CNTNAP3B: variants seen among roughly 807,000 people sequenced by gnomAD.
CNTNAP3B encodes contactin-associated protein-like 3B.
CNTNAP3B carries 25 observed loss-of-function variants against 108.9 expected under a neutral mutation model. That is an observed-to-expected ratio of 0.23 (90% CI 0.17 to 0.32). CNTNAP3B has a LOEUF of 0.32. Among genes scored for constraint, CNTNAP3B ranks in the 10% least tolerant of loss-of-function variants. CNTNAP3B has a pLI of 1.00. For synonymous variants in CNTNAP3B, 103 were observed against 473.4 expected (o/e 0.22, Z 10.16); for missense variants, 252 against 1,210.4 (o/e 0.21, Z 11.75).
chr9:42,095,963 G>A lies in CNTNAP3B; in HGVS notation c.196+8666C>T, dbSNP rs1181176972. Among the ~76,000 whole-genome samples, 3 of 138,560 alleles carry A rather than the reference G, an allele frequency of 2.2e-5. 1 individual carries two copies. Among genetic ancestry groups the A allele is most frequent in the African/African-American group, 8.6e-5 (3 of 34,768 alleles). 90.9% of individuals were successfully genotyped at this position (138,560 alleles called of 152,430 possible). On this transcript the variant is annotated intron_variant, in intron 2 of 23. Transcript: ENST00000377561. ...AGTCCTCCCATCCCAGGCTGGGACAGTGCTCTCCACAACGTTTTGGTGACC... is the reference window on the plus strand; with the variant it reads ...AGTCCTCCCATCCCAGGCTGGGACAATGCTCTCCACAACGTTTTGGTGACC...
chr9:42,116,175 G>A (rs1828312139), intron 1 of CNTNAP3B, among the ~76,000 whole-genome samples: 1 of 138,216 alleles, frequency 7.2e-6, no homozygotes, highest in Non-Finnish European at 1.5e-5. Flanking sequence ...AGAGAAAAAA[G>A]AGTAAAAAGA....
chr9:41,937,049 G>C (rs1452325320), intron 14 of CNTNAP3B, among the ~76,000 whole-genome samples: 1 of 150,530 alleles, frequency 6.6e-6, no homozygotes, highest in Admixed American at 6.6e-5. Flanking sequence ...GCTTAGATTA[G>C]CTATTTTATG....
intron 13 of CNTNAP3B, among the ~76,000 whole-genome samples, chr9:41,942,543 G>GCTT (rs1824387745): frequency 6.7e-6 from 1 of 150,222 alleles, no homozygotes; most frequent in African/African-American, 2.5e-5. Context: ...CCCGGGAGAC[G>GCTT]GAGCTTGCAG....
intron 16 of CNTNAP3B, among the ~76,000 whole-genome samples, chr9:41,923,639 A>T (rs1823727947): frequency 6.6e-6 from 1 of 152,298 alleles, no homozygotes; most frequent in African/African-American, 2.4e-5. Context: ...GTGCGTGCCT[A>T]TAGTCCCAGC....
chr9:41,919,047 T>C (rs1823594120), intron 18 of CNTNAP3B, among the ~76,000 whole-genome samples: 1 of 152,292 alleles, frequency 6.6e-6, no homozygotes, highest in Non-Finnish European at 1.5e-5. Context: ...GATGATTCAA[T>C]ATTGTAAGAG....
chr9:41,928,388 C>G (rs1267296064), intron 15 of CNTNAP3B, among the ~76,000 whole-genome samples: 2 of 152,040 alleles, frequency 1.3e-5, no homozygotes, highest in South Asian at 2.1e-4. Flanking sequence ...AGCCCCCAGA[C>G]AAGGGTCCGG....
Position 42,093,134 on chromosome 9 carries a change from G to A in CNTNAP3B, c.196+11495C>T, listed in dbSNP as rs1240384373. On this transcript the variant is annotated intron_variant, in intron 2 of 23. Coordinates refer to ENST00000377561, the MANE Select transcript of CNTNAP3B (RefSeq NM_001201380.3). ...GGCCAAGGTGGCCGAGGCGGATCAC[G>A]AGGTCAGGAGTTGAGCCTGGCCAAC... is the stretch of plus-strand genomic sequence containing the variant. Among the ~76,000 whole-genome samples the A allele has an allele frequency of 8.3e-5, 8 of 96,486 alleles. 4 individuals are homozygous for A. Among genetic ancestry groups the A allele is most frequent in the Non-Finnish European group, 1.8e-4 (8 of 45,544 alleles). 63.3% of individuals were successfully genotyped at this position (96,486 alleles called of 152,430 possible). A position where few individuals can be genotyped will look rare whatever the true frequency, so the allele number is the denominator to read the frequency against.
intron 1 of CNTNAP3B, among the ~76,000 whole-genome samples, chr9:42,118,830 T>C (rs1828384258): frequency 1.0e-5 from 1 of 95,244 alleles, no homozygotes; most frequent in South Asian, 3.9e-4. Context: ...CAGCAAAGTC[T>C]CAAAATCAAG....
chr9:41,967,926 C>G (rs1397680827), intron 10 of CNTNAP3B, among the ~76,000 whole-genome samples: 5 of 152,324 alleles, frequency 3.3e-5, no homozygotes, highest in African/African-American at 1.2e-4. Flanking sequence ...CACATTCATG[C>G]TTAGTTGAGC....
chr9:41,991,134 G>T (rs551208783), intron 8 of CNTNAP3B, among the ~76,000 whole-genome samples: 1 of 125,186 alleles, frequency 8.0e-6, no homozygotes, highest in African/African-American at 3.2e-5. Context: ...ATCAACGAAA[G>T]AATAAGAACT....
Position 42,110,630 on chromosome 9 carries a change from A to G in CNTNAP3B, c.86-5891T>C, listed in dbSNP as rs1306637455. Among the ~76,000 whole-genome samples the G allele has an allele frequency of 2.2e-5, 3 of 137,190 alleles. 1 individual carries two copies. The highest frequency in any genetic ancestry group is 8.7e-5 in the African/African-American group (3 of 34,296). 90.0% of individuals were successfully genotyped at this position (137,190 alleles called of 152,430 possible). ...CCACAGCAGGCTTCTCTCTGGTTCCACATATTGAGTCAGCAGGGAGCACGG... is the reference window on the plus strand; with the variant it reads ...CCACAGCAGGCTTCTCTCTGGTTCCGCATATTGAGTCAGCAGGGAGCACGG... On this transcript the variant is annotated intron_variant, in intron 1 of 23. Transcript: ENST00000377561.
intron 13 of CNTNAP3B, among the ~76,000 whole-genome samples, chr9:41,947,192 T>C (rs1332819507): frequency 3.3e-5 from 5 of 150,012 alleles, no homozygotes; most frequent in Non-Finnish European, 7.4e-5. Context: ...AATACTCCAC[T>C]TAAGAATAGC....
At chr9:41,948,536 A>T (rs1281402548) in intron 13 of CNTNAP3B, among the ~76,000 whole-genome samples, 4 of 149,042 alleles carry the variant, frequency 2.7e-5, no homozygotes, top group Non-Finnish European at 6.0e-5. Context: ...AGACAATATG[A>T]AAAAAGAAAA....
chr9:42,099,043 A>T (rs1643349316), intron 2 of CNTNAP3B, among the ~76,000 whole-genome samples: 3 of 138,450 alleles, frequency 2.2e-5, no homozygotes, highest in South Asian at 4.6e-4. Context: ...CTCTTTTCCT[A>T]AGAAATCAGT....
At chr9:42,054,045 T>A (rs1408870969) in intron 3 of CNTNAP3B, among the ~76,000 whole-genome samples, 2 of 151,810 alleles carry the variant, frequency 1.3e-5, no homozygotes, top group Non-Finnish European at 2.9e-5. Context: ...TGAACTTCAA[T>A]ACTACTTTAG....
intron 14 of CNTNAP3B, among the ~76,000 whole-genome samples, chr9:41,934,044 T>C (rs1460349164): frequency 6.0e-5 from 9 of 150,392 alleles, no homozygotes; most frequent in Admixed American, 4.0e-4. Context: ...TTCCCAAAAA[T>C]GTTATGTTAA....
In CNTNAP3B at chr9:42,127,045, T is replaced by C. The variant is rs541488645; in HGVS notation, c.85+1965A>G. Among the ~76,000 whole-genome samples, 4 of 139,166 alleles carry C rather than the reference T, an allele frequency of 2.9e-5. No individual in the cohort carries two copies. In the South Asian group the frequency reaches 6.9e-4, roughly 24 times the overall value. 91.3% of individuals were successfully genotyped at this position (139,166 alleles called of 152,430 possible). A position where few individuals can be genotyped will look rare whatever the true frequency, so the allele number is the denominator to read the frequency against. On this transcript the variant is annotated intron_variant, in intron 1 of 23. Transcript: ENST00000377561. ...ACTTTCTTCTTGGTATTGAAGGTGG[T>C]ATAATTATTATAGTTACATAGTTTT...
At chr9:42,109,952 C>A (rs1473924067) in intron 1 of CNTNAP3B, among the ~76,000 whole-genome samples, 1 of 138,358 alleles carries the variant, frequency 7.2e-6, no homozygotes, top group Non-Finnish European at 1.5e-5. Flanking sequence ...CAAGGTGAGG[C>A]ACACGGGCAA....
intron 13 of CNTNAP3B, among the ~76,000 whole-genome samples, chr9:41,951,905 C>T (rs1328811958): frequency 1.3e-5 from 2 of 152,192 alleles, no homozygotes; most frequent in Admixed American, 6.5e-5. Flanking sequence ...GGTGAAACCC[C>T]GTCTCTACTA....
Sources: gnomAD v4.1 joint callset for allele counts (sites outside exome capture counted in the v4.1 genomes callset) on GRCh38, gnomAD v4.1.1 for gene constraint, MANE v1.5 for transcripts, NCBI Gene and HGNC (gene_info 2026-07-23, HGNC 2026-07-21) for gene names.